TACC2: variants seen among roughly 807,000 people sequenced by gnomAD.
TACC2 encodes transforming acidic coiled-coil-containing protein 2.
TACC2 carries 137 observed loss-of-function variants against 227.3 expected under a neutral mutation model. The observed-to-expected ratio is 0.60, with a 90% CI of 0.52 to 0.69. The LOEUF (loss-of-function observed/expected upper bound fraction) is 0.69, where lower values mean the gene tolerates loss of function less well. Ranked by LOEUF, TACC2 falls within the 30% of genes least tolerant of loss-of-function variation. TACC2 has a pLI of 0.00. For missense variants in TACC2, 3,470 were observed against 3,694.4 expected, an observed-to-expected ratio of 0.94 and a Z score of 1.57; for synonymous variants, 1,523 against 1,487.5, an observed-to-expected ratio of 1.02 and a Z score of -0.55.
intron 1 of TACC2, among the ~76,000 whole-genome samples, chr10:122,014,795 C>T (rs1956369810): frequency 6.6e-6 from 1 of 152,180 alleles, no homozygotes; most frequent in Non-Finnish European, 1.5e-5. Flanking sequence ...CTGCCTCAGC[C>T]ACAGTGATTA....
intron 7 of TACC2, among the ~76,000 whole-genome samples, chr10:122,174,591 T>G (rs989974161): frequency 5.3e-5 from 8 of 152,210 alleles, no homozygotes; most frequent in African/African-American, 1.9e-4. Flanking sequence ...TGAAACACTA[T>G]GCTCCTGTTT....
At chr10:122,032,358 C>T (rs1959090480) in intron 2 of TACC2, among the ~76,000 whole-genome samples, 1 of 152,162 alleles carries the variant, frequency 6.6e-6, no homozygotes, top group African/African-American at 2.4e-5. Context: ...CCCGTCGCAC[C>T]CAGGCCCCTA....
At chr10:122,089,337 A>G (rs1251089333) in intron 5 of TACC2, among the ~76,000 whole-genome samples, 1 of 152,128 alleles carries the variant, frequency 6.6e-6, no homozygotes. Context: ...AGTTCATTAC[A>G]TCTTGATGCA....
At chr10:122,172,017 G>A (rs2093497643) in intron 7 of TACC2, among the ~76,000 whole-genome samples, 1 of 152,192 alleles carries the variant, frequency 6.6e-6, no homozygotes, top group Non-Finnish European at 1.5e-5. Flanking sequence ...TTCAGAGAAA[G>A]CTGACCCCTC....
intron 5 of TACC2, among the ~76,000 whole-genome samples, chr10:122,092,433 G>T (rs1248013897): frequency 6.6e-6 from 1 of 152,180 alleles, no homozygotes; most frequent in Non-Finnish European, 1.5e-5. Flanking sequence ...TATCTTGCTA[G>T]TTATCAGGTG....
chr10:122,248,184 C>T (rs1462376510), intron 19 of TACC2: 1 of 155,934 alleles, frequency 6.4e-6, no homozygotes, highest in Non-Finnish European at 1.4e-5. Flanking sequence ...TGTTAAGGAT[C>T]TCCAAAGACC....
At chr10:122,234,821 A>G (rs752812089) in intron 16 of TACC2, among the ~76,000 whole-genome samples, 5 of 152,154 alleles carry the variant, frequency 3.3e-5, no homozygotes, top group African/African-American at 1.2e-4. Context: ...TCTGCCCACT[A>G]TGATAAAGTT....
Position 122,083,560 on chromosome 10 carries a change from G to C in TACC2, c.1060G>C (p.Ala354Pro), listed in dbSNP as rs1282912667. The C allele has an allele frequency of 6.2e-7, 1 of 1,613,142 alleles. No homozygotes were observed. Among genetic ancestry groups the C allele is most frequent in the South Asian group, 1.1e-5 (1 of 91,082 alleles). Residue 354 changes from alanine (A) to proline (P), a missense_variant, in exon 4 of 23, where the codon GCC (alanine) becomes CCC (proline). Physicochemically the swap from Ala to Pro is conservative, Grantham distance 27. Around this residue, in one of 10 missense-constraint regions of TACC2, gnomAD observed 1,924 missense variants for 1,978.3 expected, o/e 0.97. Coordinates refer to ENST00000369005, the MANE Select transcript of TACC2 (RefSeq NM_206862.4). ...AELPWGLPSP[A>P]LVPEAGGSGK... ...GCTGCCCTGGGGCTTGCCAAGTCCT[G>C]CCCTGGTGCCAGAGGCTGGGGGCTC...
chr10:122,195,486 A>G lies in TACC2; in HGVS notation c.5971+310A>G, dbSNP rs116547064. ...CCAGCACTTGGCCCCTTGCTCTTTT[A>G]AGAACATTAGCTGTGGACAGGCCTG... is the stretch of plus-strand genomic sequence containing the variant. On this transcript the variant is annotated intron_variant, in intron 8 of 22. Coordinates refer to ENST00000369005, the MANE Select transcript of TACC2 (RefSeq NM_206862.4). Among the ~76,000 whole-genome samples the G allele has an allele frequency of 5.9e-3, 897 of 152,234 alleles. 10 individuals are homozygous for G. Among genetic ancestry groups the G allele is most frequent in the African/African-American group, 0.02 (846 of 41,538 alleles).
intron 2 of TACC2, chr10:122,022,873 T>C (rs1167179993): frequency 6.6e-6 from 1 of 152,240 alleles, no homozygotes; most frequent in Non-Finnish European, 1.5e-5. Context: ...TTATCTATTT[T>C]AAGTTTGAAA....
At position 122,083,401 on chromosome 10, in the gene TACC2, A is replaced by G; in HGVS notation, c.901A>G (p.Thr301Ala). The change falls in exon 4 of 23, where the codon ACA becomes GCA. Residue 301 changes from threonine (T) to alanine (A), a missense_variant. Physicochemically the swap from Thr to Ala is moderately conservative, Grantham distance 58. Transcript: ENST00000369005. ...AGGGGAGGCGCCGCCTCAGTATTTAACAGATGACTTGGAATTCCTCAGGGC... is the reference window on the plus strand; with the variant it reads ...AGGGGAGGCGCCGCCTCAGTATTTAGCAGATGACTTGGAATTCCTCAGGGC... ...GQGEAPPQYL[T>A]DDLEFLRACH... 1 of 1,613,842 alleles carries G rather than the reference A, an allele frequency of 6.2e-7. No homozygotes were observed. The highest frequency in any genetic ancestry group is 8.5e-7 in the Non-Finnish European group (1 of 1,180,032).
chr10:122,116,699 A>G (rs10887077), intron 5 of TACC2, among the ~76,000 whole-genome samples: 63,966 of 152,054 alleles, frequency 0.42, 14,071 homozygotes, highest in East Asian at 0.61. Context: ...GATTAAAAGT[A>G]CTGATTTAGG....
chr10:122,198,547 A>G (rs2094657807), intron 8 of TACC2, among the ~76,000 whole-genome samples: 2 of 152,162 alleles, frequency 1.3e-5, no homozygotes, highest in African/African-American at 4.8e-5. Context: ...TGAGTGTTTC[A>G]TCTCCCACTC....
In TACC2 at chr10:122,193,242, G is replaced by A. The variant is rs549179943; in HGVS notation, c.5835-1798G>A. On this transcript the variant is annotated intron_variant, in intron 7 of 22. Transcript: ENST00000369005. ...TTTGTGGCTGGTTGGAGGAGCCAAG[G>A]TCCTTGGGGGGTGGAGGGGCAAGGG... Among the ~76,000 whole-genome samples, 490 of 152,320 alleles carry A rather than the reference G, an allele frequency of 3.2e-3. 2 individuals carry two copies. The highest frequency in any genetic ancestry group is 0.011 in the African/African-American group (463 of 41,572).
At chr10:122,247,713 A>G (rs1009703651) in intron 19 of TACC2, 1 of 152,254 alleles carries the variant, frequency 6.6e-6, no homozygotes, top group African/African-American at 2.4e-5. Flanking sequence ...ACACACGGAC[A>G]CAAAGATGGG....
At chr10:121,990,261 G>T (rs1952974445) in intron 1 of TACC2, among the ~76,000 whole-genome samples, 1 of 151,892 alleles carries the variant, frequency 6.6e-6, no homozygotes, top group African/African-American at 2.4e-5. Flanking sequence ...AACTACAGGT[G>T]CATGCCACTA....
At chr10:122,096,695 CA>C (rs57474527) in intron 5 of TACC2, among the ~76,000 whole-genome samples, 460 of 116,014 alleles carry the variant, frequency 4.0e-3, no homozygotes, top group African/African-American at 9.3e-3. Flanking sequence ...AACTCCGTCT[CA>C]AAAAAAAAAA....
rs149364895 is a variant in TACC2, at chr10:122,074,886, T to C, written c.147-7761T>C. Among the ~76,000 whole-genome samples the C allele has an allele frequency of 1.9e-3, 294 of 152,246 alleles. 1 individual carries two copies. The highest frequency in any genetic ancestry group is 6.4e-3 in the African/African-American group (265 of 41,546). On this transcript the variant is annotated intron_variant, in intron 3 of 22. Transcript: ENST00000369005. ...CTTCTGGAGTTTCATTTCCTTTCTT[T>C]GGGCACGGTCTCAGCCTTCCTTCTC...
chr10:122,013,463 G>A (rs944336888), intron 1 of TACC2, among the ~76,000 whole-genome samples: 3 of 152,212 alleles, frequency 2.0e-5, no homozygotes, highest in African/African-American at 7.2e-5. Flanking sequence ...GCTGTGCAAG[G>A]TAGGGAGTTA....
Sources: allele counts gnomAD v4.1 joint callset (sites outside exome capture counted in the v4.1 genomes callset), GRCh38; gene constraint gnomAD v4.1.1; regional missense constraint gnomAD v4.1.1; transcripts MANE v1.5; gene names NCBI Gene and HGNC (gene_info 2026-07-23, HGNC 2026-07-21).